The following WDR19 variants were observed in gnomAD, a reference collection of about 807,000 sequenced individuals.
WDR19 encodes WD repeat domain 19.
WDR19 carries 121 observed loss-of-function variants against 180.0 expected under a neutral mutation model. The ratio of observed to expected loss-of-function variants is 0.67; its 90% CI spans 0.58 to 0.78. WDR19 has a LOEUF of 0.78. Among genes scored for constraint, WDR19 ranks in the 30% least tolerant of loss-of-function variants. The probability of loss-of-function intolerance (pLI) is 0.00; values close to 1 mark genes in which losing one functional copy is unlikely to be tolerated. For synonymous variants in WDR19, 497 were observed against 540.7 expected, an observed-to-expected ratio of 0.92 and a Z score of 1.12; for missense variants, 1,450 against 1,640.7, an observed-to-expected ratio of 0.88 and a Z score of 2.01.
chr4:39,207,664 T>C (rs1304703967), intron 9 of WDR19, among the ~76,000 whole-genome samples: 1 of 152,148 alleles, frequency 6.6e-6, no homozygotes, highest in Non-Finnish European at 1.5e-5. Context: ...TGTATGTCAG[T>C]AAATGAAAGT....
intron 28 of WDR19, among the ~76,000 whole-genome samples, chr4:39,258,922 G>T (rs1161188269): frequency 6.6e-6 from 1 of 152,118 alleles, no homozygotes; most frequent in African/African-American, 2.4e-5. Flanking sequence ...ACAAAAATTA[G>T]CTGGACATAG....
rs144111830 is a variant in WDR19, at chr4:39,281,205, A to ATGTGTGTGTG, written c.*13+2544_*13+2553dup. Among the ~76,000 whole-genome samples the ATGTGTGTGTG allele has an allele frequency of 9.7e-4, 107 of 110,384 alleles. 4 individuals are homozygous for ATGTGTGTGTG. Among genetic ancestry groups the ATGTGTGTGTG allele is most frequent in the East Asian group, 2.6e-3 (11 of 4,250 alleles). 72.4% of individuals were successfully genotyped at this position (110,384 alleles called of 152,430 possible). A position where few individuals can be genotyped will look rare whatever the true frequency, so the allele number is the denominator to read the frequency against. The stretch of plus-strand genomic sequence containing the variant: ...ATTGCCTTCTTTGTCCTAAATATAT[A>ATGTGTGTGTG]TGTGTGTGTGTATATATATATATAT... On this transcript the variant is annotated intron_variant, in intron 36 of 36. Transcript: ENST00000399820.
chr4:39,265,997 C>A, intron 28 of WDR19, 66 bp from the exon 29 acceptor site: 2 of 1,352,140 alleles, frequency 1.5e-6, no homozygotes, highest in South Asian at 1.3e-5. Flanking sequence ...AGAAGATTGT[C>A]TTTTTCTCCA....
At chr4:39,279,638 A>G (rs572617672) in intron 36 of WDR19, among the ~76,000 whole-genome samples, 94 of 150,110 alleles carry the variant, frequency 6.3e-4, no homozygotes, top group African/African-American at 2.2e-3. Context: ...CATTCCCACC[A>G]TCAGCACACA....
chr4:39,246,117 TAATTA>T (rs1174636650), intron 24 of WDR19, among the ~76,000 whole-genome samples: 1 of 152,220 alleles, frequency 6.6e-6, no homozygotes, highest in African/African-American at 2.4e-5. Flanking sequence ...TCACTAATAG[TAATTA>T]AATTAAGGCA....
chr4:39,201,547 G>A lies in WDR19; in HGVS notation c.522+1954G>A, dbSNP rs958876211. 2.6e-5 allele frequency among the ~76,000 whole-genome samples: 4 copies of A among 152,344 alleles called. No homozygotes were observed. In the South Asian group the frequency reaches 8.3e-4, roughly 32 times the overall value. ...TGAGTTGTTCAAGCCTGGACTAACT[G>A]AAGATAGAGGTTTTGATTGGGCATT... On this transcript the variant is annotated intron_variant, in intron 6 of 36. Transcript: ENST00000399820.
At chr4:39,266,958 C>T (rs1220332152) in intron 29 of WDR19, among the ~76,000 whole-genome samples, 1 of 152,162 alleles carries the variant, frequency 6.6e-6, no homozygotes, top group Non-Finnish European at 1.5e-5. Flanking sequence ...TGGCATGCGC[C>T]TATAGTCCTA....
In WDR19 at chr4:39,205,559, A is replaced by G. The variant is rs766503136; in HGVS notation, c.717-4A>G. 3 of 1,609,966 alleles carry G rather than the reference A, an allele frequency of 1.9e-6. No homozygotes were observed. The highest frequency in any genetic ancestry group is 1.7e-5 in the Admixed American group (1 of 59,474). Reference sequence around the variant, plus strand: ...TTACCATATTGTTGCCTTCTTTGCTATAGGTATGGTGATGGCCGCATCATG... The same window carrying G: ...TTACCATATTGTTGCCTTCTTTGCTGTAGGTATGGTGATGGCCGCATCATG... On this transcript the variant is annotated splice_region_variant and splice_polypyrimidine_tract_variant and intron_variant, in intron 8 of 36. Transcript: ENST00000399820.
intron 14 of WDR19, chr4:39,218,389 C>G: frequency 2.5e-6 from 1 of 401,998 alleles, no homozygotes; most frequent in Non-Finnish European, 4.5e-6. Context: ...GTGGTAGAGC[C>G]TATTGCTCCT....
chr4:39,244,200 C>G, intron 21 of WDR19, 48 bp from the exon 22 acceptor site: 3 of 1,588,626 alleles, frequency 1.9e-6, no homozygotes, highest in Non-Finnish European at 2.6e-6. Flanking sequence ...TTAAACACAT[C>G]GTGTTAAGCT....
chr4:39,214,737 G>A, intron 10 of WDR19, 66 bp downstream of exon 10: 2 of 980,652 alleles, frequency 2.0e-6, no homozygotes, highest in South Asian at 1.6e-5. Context: ...GGTTGTGTTT[G>A]TTATCGTGTG....
chr4:39,216,188 GT>G lies in WDR19; in HGVS notation c.1231del (p.Tyr411MetfsTer8). 2 of 1,574,752 alleles carry G rather than the reference GT, an allele frequency of 1.3e-6. No individual in the cohort carries two copies. Among genetic ancestry groups the G allele is most frequent in the East Asian group, 2.3e-5 (1 of 43,486 alleles). On this transcript the variant is annotated frameshift_variant, in exon 12 of 37. Transcript: ENST00000399820. LOFTEE classifies it high-confidence loss of function. Reference sequence around the variant, plus strand: ...CTGTAGGAATGAATAATCGAGCTTGGTTTTATGTCCTTGGAGAAAATGGCAA... The same window carrying G: ...CTGTAGGAATGAATAATCGAGCTTGGTTTATGTCCTTGGAGAAAATGGCAA... ...LAVGMNNRAW[F>X]YVLGENAVKK... is the part of the protein sequence containing the mutation.
intron 21 of WDR19, among the ~76,000 whole-genome samples, chr4:39,241,956 A>G (rs1732005279): frequency 6.6e-6 from 1 of 151,280 alleles, no homozygotes; most frequent in Admixed American, 6.6e-5. Flanking sequence ...TTTACCAAAA[A>G]TGAAATCATT....
At chr4:39,277,934 G>T (rs927508514) in intron 34 of WDR19, among the ~76,000 whole-genome samples, 197 bp from the exon 35 acceptor site, 5 of 152,004 alleles carry the variant, frequency 3.3e-5, no homozygotes, top group East Asian at 1.9e-4. Context: ...CACGCCTGTA[G>T]TCCCAGGTGC....
chr4:39,242,324 G>A (rs189002881), intron 21 of WDR19, among the ~76,000 whole-genome samples: 9 of 151,472 alleles, frequency 5.9e-5, no homozygotes, highest in South Asian at 4.2e-4. Context: ...TGGCATAATC[G>A]TAGTTTACTG....
At chr4:39,272,385 G>A (rs1735457530) in intron 31 of WDR19, among the ~76,000 whole-genome samples, 1 of 152,106 alleles carries the variant, frequency 6.6e-6, no homozygotes. Context: ...CCTCAGCCCT[G>A]ACCCCACATC....
chr4:39,205,636 C>G lies in WDR19; in HGVS notation c.790C>G (p.Leu264Val). 6.2e-7 allele frequency: 1 copy of G among 1,613,026 alleles called. No individual in the cohort carries two copies. The change falls in exon 9 of 37, where the codon CTT becomes GTT. Residue 264 changes from leucine (L) to valine (V), a missense_variant. Coordinates refer to ENST00000399820, the MANE Select transcript of WDR19 (RefSeq NM_025132.4). ...FVVISTHTGE[L>V]GQEIFQARNH... ...GGTCATTTCTACTCATACTGGAGAG[C>G]TTGGTCAAGAGATATTTCAGGCTCG...
chr4:39,210,824 T>C (rs1728421548), intron 9 of WDR19, among the ~76,000 whole-genome samples: 1 of 152,102 alleles, frequency 6.6e-6, no homozygotes. Flanking sequence ...GAATAGCAGG[T>C]AATTACCTCA....
At chr4:39,284,501 G>T (rs1736946816) in intron 36 of WDR19, among the ~76,000 whole-genome samples, 1 of 146,906 alleles carries the variant, frequency 6.8e-6, no homozygotes, top group Admixed American at 6.7e-5. Flanking sequence ...ACCATACCCA[G>T]CTTTTTTTTT....
Sources: gnomAD v4.1 joint callset for allele counts (sites outside exome capture counted in the v4.1 genomes callset) on GRCh38, gnomAD v4.1.1 for gene constraint, MANE v1.5 for transcripts, NCBI Gene and HGNC (gene_info 2026-07-23, HGNC 2026-07-21) for gene names.